The following MYO19 variants were observed in gnomAD, a reference collection of about 807,000 sequenced individuals.
MYO19 encodes the protein myosin XIX, also known as unconventional myosin-XIX.
A neutral mutation model predicts 129.2 loss-of-function variants in MYO19; 132 were observed. The ratio of observed to expected loss-of-function variants is 1.02; its 90% confidence interval spans 0.89 to 1.18. MYO19 has a LOEUF of 1.18. MYO19 is among the 50% of genes most tolerant of loss of function. The probability of loss-of-function intolerance (pLI) is 0.00; values close to 1 mark genes in which losing one functional copy is unlikely to be tolerated. For synonymous variants in MYO19, 531 were observed against 477.2 expected (o/e 1.11, Z -1.47); for missense variants, 1,210 against 1,216.7 (o/e 0.99, Z 0.08).
intron 21 of MYO19, among the ~76,000 whole-genome samples, chr17:36,502,284 T>TAAAGCCTGCCTAAGTGCCTTGCAGA (rs1272285718): frequency 6.6e-6 from 1 of 152,210 alleles, no homozygotes; most frequent in Non-Finnish European, 1.5e-5. Context: ...CCTTTGAGAC[T>TAAAGCCTGCCTAAGTGCCTTGCAGA]AAAGCCTGCC....
At chr17:36,514,688 G>T (rs1181835097) in intron 8 of MYO19, 140 bp from the exon 9 acceptor site, 17 of 640,764 alleles carry the variant, frequency 2.7e-5, no homozygotes, top group Non-Finnish European at 4.5e-5. Flanking sequence ...ACTGAGGGGT[G>T]GGGACCACTC....
In MYO19 at chr17:36,525,397, A is replaced by T. The variant is rs2073402297; in HGVS notation, c.301-56T>A. The T allele has an allele frequency of 5.4e-6, 7 of 1,287,832 alleles. 1 individual carries two copies. The Middle Eastern group carries it at 7.8e-4, about 143-fold the overall frequency. The allele number at this position is 1,287,832 out of a possible 1,614,324, so 79.8% of individuals were successfully genotyped here. On this transcript the variant is annotated intron_variant, in intron 5 of 25. Coordinates refer to ENST00000614623, the MANE Select transcript of MYO19 (RefSeq NM_001163735.2). ...AGGGAATGCCTGTTTTTCAATGATG[A>T]CTGAGCCAATGATGACTGAGATGGG... is the stretch of plus-strand genomic sequence containing the variant.
At chr17:36,544,178 ACCCAG>A (rs771852068), upstream of MYO19, among the ~76,000 whole-genome samples, 2 of 152,144 alleles carry the variant, frequency 1.3e-5, no homozygotes, top group African/African-American at 2.4e-5. Context: ...GCTCACATTA[ACCCAG>A]CCCAAGAAGT....
intron 1 of MYO19, chr17:36,542,368 T>C (rs945332144): frequency 6.6e-6 from 1 of 152,200 alleles, no homozygotes. Context: ...GAGCTTGTCA[T>C]TTTTAATGTT....
Position 36,498,551 on chromosome 17 carries a change from C to A in MYO19, c.2472G>T (p.Met824Ile). 1 of 1,607,498 alleles carries A rather than the reference C, an allele frequency of 6.2e-7. No individual in the cohort carries two copies. Among genetic ancestry groups the A allele is most frequent in the Non-Finnish European group, 8.5e-7 (1 of 1,174,786 alleles). ...CCAGCTCTTTAGCAGCAAGGCAGGCCATTCTGATCTTAAAAAGCAAATATC... is the reference window on the plus strand; with the variant it reads ...CCAGCTCTTTAGCAGCAAGGCAGGCAATTCTGATCTTAAAAAGCAAATATC... ...KRAWQKWRIR[M>I]ACLAAKELDG... The change falls in exon 25 of 26, where the codon ATG becomes ATT. Residue 824 changes from methionine to isoleucine, a missense_variant. By Grantham distance (10) the Met-to-Ile change is conservative (BLOSUM62 1). Coordinates refer to ENST00000614623, the MANE Select transcript of MYO19 (RefSeq NM_001163735.2).
At chr17:36,543,975 A>C (rs747973973), upstream of MYO19, among the ~76,000 whole-genome samples, 24 of 152,180 alleles carry the variant, frequency 1.6e-4, no homozygotes, top group Non-Finnish European at 3.2e-4. Context: ...TAGAGCAGTA[A>C]ATTGATCTGT....
At chr17:36,508,853 T>G in intron 14 of MYO19, 1 of 598,322 alleles carries the variant, frequency 1.7e-6, no homozygotes, top group East Asian at 2.8e-5. Context: ...GTCTGGAGAG[T>G]TATGGACTGC....
chr17:36,527,476 G>T, intron 5 of MYO19, 75 bp downstream of exon 5: 2 of 1,503,174 alleles, frequency 1.3e-6, no homozygotes, highest in East Asian at 2.3e-5. Context: ...AGATGAATAA[G>T]GACAGGGGTA....
intron 19 of MYO19, chr17:36,504,322 C>T (rs1219845638): frequency 1.4e-5 from 5 of 365,702 alleles, no homozygotes; most frequent in Non-Finnish European, 2.5e-5. Context: ...AGTCTCACTA[C>T]CACACAACCC....
At chr17:36,531,395 A>C (rs1161413386) in intron 3 of MYO19, among the ~76,000 whole-genome samples, 1 of 97,964 alleles carries the variant, frequency 1.0e-5, no homozygotes, top group African/African-American at 7.0e-5. Flanking sequence ...ACTCCATCTC[A>C]AAAAAAAAAA....
At position 36,512,744 on chromosome 17, in the gene MYO19, A is replaced by G. The variant is rs1285758869; in HGVS notation, c.894+685T>C. On this transcript the variant is annotated intron_variant, in intron 11 of 25. Transcript: ENST00000614623. ...TCCCTGAAGTGGCCTCCCTTTCTCG[A>G]CTGCCAGGCCATCCTATCTATCCCC... is the stretch of plus-strand genomic sequence containing the variant. 5 of 1,288,934 alleles carry G rather than the reference A, an allele frequency of 3.9e-6. No homozygotes were observed. The African/African-American group carries it at 4.6e-5, about 12-fold the overall frequency. 79.8% of individuals were successfully genotyped at this position (1,288,934 alleles called of 1,614,324 possible). A position where few individuals can be genotyped will look rare whatever the true frequency, so the allele number is the denominator to read the frequency against.
At chr17:36,530,622 TA>T (rs2073778847) in intron 3 of MYO19, among the ~76,000 whole-genome samples, 1 of 149,342 alleles carries the variant, frequency 6.7e-6, no homozygotes, top group Non-Finnish European at 1.5e-5. Context: ...GTGGCTTTTG[TA>T]TTTTTTTTTT....
At chr17:36,537,704 C>G (rs754641306), upstream of MYO19, 10 of 1,614,136 alleles carry the variant, frequency 6.2e-6, no homozygotes, top group Non-Finnish European at 8.5e-6. Flanking sequence ...ACTTTACAAA[C>G]TCATTGTACT....
In MYO19 at chr17:36,503,182, A is replaced by T. The variant is rs2142849928; in HGVS notation, c.1995T>A (p.Phe665Leu). ...TTCTTAGTAACTTGTATCGTTCTAC[A>T]AAGTTTCGGTGAGAGACCCTGGAGG... ...GFPIRVSHRNFVERYKLLRRL... is the reference protein window; with the variant it reads ...GFPIRVSHRNLVERYKLLRRL... The change falls in exon 21 of 26, where the codon TTT becomes TTA. Residue 665 changes from phenylalanine to leucine, a missense_variant. Physicochemically the swap from Phe to Leu is conservative, Grantham distance 22. Transcript: ENST00000614623. The T allele has an allele frequency of 1.2e-6, 2 of 1,614,056 alleles. No homozygotes were observed. The highest frequency in any genetic ancestry group is 4.5e-5 in the East Asian group (2 of 44,880).
intron 16 of MYO19, 107 bp from the exon 17 acceptor site, chr17:36,507,246 CAT>C: frequency 2.7e-6 from 4 of 1,488,304 alleles, no homozygotes; most frequent in Non-Finnish European, 3.7e-6. Flanking sequence ...ACACAGGCAT[CAT>C]AGTGTCCCCA....
chr17:36,512,578 A>G, intron 11 of MYO19: 1 of 1,242,060 alleles, frequency 8.1e-7, no homozygotes, highest in South Asian at 1.4e-5. Context: ...CCACCCCCAA[A>G]GCACTCCTGC....
chr17:36,521,546 A>G (rs2073130364), intron 6 of MYO19, among the ~76,000 whole-genome samples: 1 of 152,216 alleles, frequency 6.6e-6, no homozygotes, highest in Non-Finnish European at 1.5e-5. Context: ...AAATTATTAG[A>G]TATAACACAA....
chr17:36,528,073 G>A lies in MYO19; in HGVS notation c.142C>T (p.Leu48=), dbSNP rs761736030. ...DDLTRVNPVT[L]ETVLRCLQAR... ...AATGGGAGGCCCATACCTGTCTCTAGTGTCACAGGATTCACCCTGGTGAGG... is the reference window on the plus strand; with the variant it reads ...AATGGGAGGCCCATACCTGTCTCTAATGTCACAGGATTCACCCTGGTGAGG... The change falls in exon 4 of 26, where the codon CTA becomes TTA. Residue 48 remains leucine, a synonymous_variant. Coordinates refer to ENST00000614623, the MANE Select transcript of MYO19 (RefSeq NM_001163735.2). 1.2e-6 allele frequency: 2 copies of A among 1,613,412 alleles called. No homozygotes were observed. The highest frequency in any genetic ancestry group is 3.3e-5 in the Admixed American group (2 of 60,012).
Position 36,515,143 on chromosome 17 carries a change from A to G in MYO19, c.587T>C (p.Phe196Ser). 6.2e-7 allele frequency: 1 copy of G among 1,612,148 alleles called. No homozygotes were observed. Among genetic ancestry groups the G allele is most frequent in the Non-Finnish European group, 8.5e-7 (1 of 1,179,186 alleles). ...CAGCTGGAGCTGGATGAACTTCCCA[A>G]AGCGACTGCTGTTGTTATTCCTCAG... ...CTLRNNNSSR[F>S]GKFIQLQLNR... The change falls in exon 8 of 26, where the codon TTT (phenylalanine) becomes TCT (serine). Residue 196 changes from phenylalanine to serine, a missense_variant. Physicochemically the swap from Phe to Ser is radical, Grantham distance 155. Coordinates refer to ENST00000614623, the MANE Select transcript of MYO19 (RefSeq NM_001163735.2).
Sources: allele counts gnomAD v4.1 joint callset (sites outside exome capture counted in the v4.1 genomes callset), GRCh38; gene constraint gnomAD v4.1.1; transcripts MANE v1.5; gene names NCBI Gene and HGNC (gene_info 2026-07-23, HGNC 2026-07-21).